The following PHF8 variants were observed in gnomAD, a reference collection of about 807,000 sequenced individuals.
PHF8 encodes PHD finger protein 8.
In PHF8, 9 loss-of-function variants were observed where a neutral mutation model predicts 74.4. The observed-to-expected ratio is 0.12, with a 90% CI of 0.07 to 0.21. The LOEUF is 0.21. Among genes scored for constraint, PHF8 ranks in the 10% least tolerant of loss-of-function variants. The pLI is 1.00. For synonymous variants in PHF8, 311 were observed against 316.6 expected, an observed-to-expected ratio of 0.98 and a Z score of 0.19; for missense variants, 478 against 816.6, an observed-to-expected ratio of 0.59 and a Z score of 5.05.
chrX:54,048,501 G>A (rs1569530719), upstream of PHF8, among the ~76,000 whole-genome samples: 1 of 111,638 alleles, frequency 9.0e-6, no homozygotes, highest in Non-Finnish European at 1.9e-5. Flanking sequence ...TTCCTACCCC[G>A]ACTCCTAAAA....
intron 11 of PHF8, among the ~76,000 whole-genome samples, chrX:53,996,237 C>T (rs1488149961): frequency 9.1e-6 from 1 of 110,299 alleles, no homozygotes; most frequent in East Asian, 2.8e-4. Context: ...CTGCCTCAGC[C>T]TCCACAGTAG....
At chrX:53,964,355 A>C (rs1455853852) in intron 18 of PHF8, among the ~76,000 whole-genome samples, 1 of 111,158 alleles carries the variant, frequency 9.0e-6, no homozygotes, top group African/African-American at 3.3e-5. Context: ...CACGTTCTGC[A>C]CATGTATCCC....
chrX:53,960,575 C>T (rs1333361506), intron 19 of PHF8, among the ~76,000 whole-genome samples: 1 of 106,240 alleles, frequency 9.4e-6, no homozygotes, highest in Non-Finnish European at 1.9e-5. Context: ...TGGTGAAACC[C>T]CATCTCTACT....
chrX:54,004,120 T>C (rs1439044878), intron 8 of PHF8, among the ~76,000 whole-genome samples: 1 of 111,936 alleles, frequency 8.9e-6, no homozygotes, highest in African/African-American at 3.2e-5. Context: ...TGGCCCTAAG[T>C]AGATTGCACC....
intron 11 of PHF8, among the ~76,000 whole-genome samples, chrX:53,997,232 C>T (rs1245700963): frequency 1.8e-5 from 2 of 111,436 alleles, no homozygotes; most frequent in African/African-American, 6.5e-5. Context: ...CAACCCAGAG[C>T]GATCCCTGTT....
chrX:54,035,795 CCT>C (rs1362589343), intron 2 of PHF8, among the ~76,000 whole-genome samples: 1 of 109,683 alleles, frequency 9.1e-6, no homozygotes, highest in Non-Finnish European at 1.9e-5. Flanking sequence ...ACATAGAGAC[CCT>C]GTCTCAAAAA....
chrX:53,980,983 C>T (rs1372890601), intron 18 of PHF8, among the ~76,000 whole-genome samples: 1 of 112,516 alleles, frequency 8.9e-6, no homozygotes, highest in Non-Finnish European at 1.9e-5. Flanking sequence ...GAGGCTGAGG[C>T]GGGTGGATCA....
At position 53,982,298 on chromosome X, in the gene PHF8, T is replaced by C. The variant is rs148039604; in HGVS notation, c.2443+2616A>G. ...CACAGCAAGGTCTGCAGAGGGGATT[T>C]GCTCTACCAGAAACAAAGTCTGTGG... On this transcript the variant is annotated intron_variant, in intron 18 of 21. Transcript: ENST00000338154. Among the ~76,000 whole-genome samples the C allele has an allele frequency of 4.8e-3, 537 of 112,791 alleles. 5 individuals carry two copies. Among genetic ancestry groups the C allele is most frequent in the African/African-American group, 0.017 (517 of 31,102 alleles).
At chrX:53,943,798 C>T (rs897363654) in intron 20 of PHF8, among the ~76,000 whole-genome samples, 3 of 111,938 alleles carry the variant, frequency 2.7e-5, no homozygotes, top group Non-Finnish European at 5.6e-5. Context: ...AGCTGAGTCA[C>T]CCCCTCAGGG....
intron 8 of PHF8, among the ~76,000 whole-genome samples, chrX:54,009,632 C>T (rs1384043638): frequency 9.3e-6 from 1 of 107,078 alleles, no homozygotes; most frequent in Non-Finnish European, 1.9e-5. Context: ...ATCATGAGGT[C>T]AGGAGATCAA....
intron 2 of PHF8, among the ~76,000 whole-genome samples, chrX:54,033,777 G>A (rs1183483529): frequency 9.1e-6 from 1 of 109,950 alleles, no homozygotes. Flanking sequence ...GCAAAAATTA[G>A]CCAGGCATGG....
At chrX:53,988,131 T>A (rs1282000998) in intron 14 of PHF8, among the ~76,000 whole-genome samples, 187 bp from the exon 15 acceptor site, 2 of 111,863 alleles carry the variant, frequency 1.8e-5, no homozygotes, top group Non-Finnish European at 3.8e-5. Flanking sequence ...GCCAAAATAA[T>A]TTTGAAAAAG....
chrX:53,948,789 C>T (rs992792054), intron 19 of PHF8, among the ~76,000 whole-genome samples: 6 of 110,444 alleles, frequency 5.4e-5, no homozygotes, highest in Non-Finnish European at 3.8e-5. Context: ...TTTGAGAGGC[C>T]GAGGTGGGTG....
intron 18 of PHF8, among the ~76,000 whole-genome samples, chrX:53,976,593 A>G (rs2065380089): frequency 1.8e-5 from 2 of 109,162 alleles, no homozygotes. Flanking sequence ...GGAGTTTGAC[A>G]CAAGGCTATG....
At chrX:53,952,663 CAT>C (rs1214871619) in intron 19 of PHF8, among the ~76,000 whole-genome samples, 3 of 105,514 alleles carry the variant, frequency 2.8e-5, no homozygotes, top group Non-Finnish European at 5.9e-5. Context: ...GCGGGCGGAT[CAT>C]GAGGTCAGGA....
At chrX:53,989,986 A>G (rs2065633490) in intron 14 of PHF8, among the ~76,000 whole-genome samples, 1 of 111,612 alleles carries the variant, frequency 9.0e-6, no homozygotes, top group African/African-American at 3.3e-5. Context: ...CACAGAGGAG[A>G]TGCTCAATAA....
At chrX:54,008,862 T>TATAG (rs1408007457) in intron 8 of PHF8, among the ~76,000 whole-genome samples, 1 of 110,392 alleles carries the variant, frequency 9.1e-6, no homozygotes, top group Non-Finnish European at 1.9e-5. Flanking sequence ...TGCTAATGAG[T>TATAG]ATAGGGTTTT....
At chrX:53,997,154 C>T (rs1165793108) in intron 11 of PHF8, among the ~76,000 whole-genome samples, 6 of 111,683 alleles carry the variant, frequency 5.4e-5, no homozygotes, top group Non-Finnish European at 9.4e-5. Flanking sequence ...TGGGGACAAA[C>T]CAGCCTCTCC....
chrX:53,956,240 A>G (rs2065011653), intron 19 of PHF8, among the ~76,000 whole-genome samples: 1 of 111,378 alleles, frequency 9.0e-6, no homozygotes, highest in Non-Finnish European at 1.9e-5. Flanking sequence ...ACAGAGTGAG[A>G]CTCTGCCTCA....
Sources: gnomAD v4.1 joint callset for allele counts (sites outside exome capture counted in the v4.1 genomes callset) on GRCh38, gnomAD v4.1.1 for gene constraint, MANE v1.5 for transcripts, NCBI Gene and HGNC (gene_info 2026-07-23, HGNC 2026-07-21) for gene names.